Variants in SPMIP7 observed in about 807,000 individuals in gnomAD.
SPMIP7 encodes protein SPMIP7.
the SPMIP7 span, chr7:50,134,383 T>TACAC: frequency 3.5e-5 from 20 of 579,012 alleles, no homozygotes; most frequent in Non-Finnish European, 4.5e-5. Context: ...AGTAAATATA[T>TACAC]ATACACACAC....
chr7:50,136,782 A>G, the SPMIP7 span, among the ~76,000 whole-genome samples: 1 of 152,120 alleles, frequency 6.6e-6, no homozygotes, highest in Non-Finnish European at 1.5e-5. Flanking sequence ...GCCTTTGAAA[A>G]CATCACAATA....
At chr7:50,146,365 C>T in the SPMIP7 span, among the ~76,000 whole-genome samples, 15 of 152,176 alleles carry the variant, frequency 9.9e-5, no homozygotes, top group Non-Finnish European at 2.2e-4. Context: ...TCACATTAAA[C>T]GTGGCTTCTG....
At chr7:50,102,105 T>C in the SPMIP7 span, among the ~76,000 whole-genome samples, 1 of 152,184 alleles carries the variant, frequency 6.6e-6, no homozygotes, top group Non-Finnish European at 1.5e-5. Context: ...AGGCGGATTA[T>C]CTGAGGTCGG....
chr7:50,129,298 G>A, the SPMIP7 span, among the ~76,000 whole-genome samples: 1 of 151,850 alleles, frequency 6.6e-6, no homozygotes, highest in Non-Finnish European at 1.5e-5. Flanking sequence ...AGATAATAAT[G>A]ATTATAACAA....
At chr7:50,153,542 A>C in the SPMIP7 span, among the ~76,000 whole-genome samples, 1 of 152,252 alleles carries the variant, frequency 6.6e-6, no homozygotes, top group Non-Finnish European at 1.5e-5. Context: ...GAGGATGACA[A>C]AAAATGTCTT....
chr7:50,148,324 A>G, the SPMIP7 span, among the ~76,000 whole-genome samples: 3 of 152,234 alleles, frequency 2.0e-5, no homozygotes, highest in Non-Finnish European at 4.4e-5. Flanking sequence ...CATTAAGACA[A>G]TGTAACATAT....
the SPMIP7 span, among the ~76,000 whole-genome samples, chr7:50,126,016 G>A: frequency 6.6e-6 from 1 of 152,064 alleles, no homozygotes; most frequent in Non-Finnish European, 1.5e-5. Flanking sequence ...AATGGGTGAT[G>A]ACAGATGTGT....
chr7:50,142,022 C>T, the SPMIP7 span: 1 of 151,352 alleles, frequency 6.6e-6, no homozygotes, highest in Non-Finnish European at 1.5e-5. Context: ...ACCACCGCGC[C>T]CAGCCGAGAG....
the SPMIP7 span, among the ~76,000 whole-genome samples, chr7:50,126,689 A>G: frequency 6.6e-6 from 1 of 152,088 alleles, no homozygotes; most frequent in Admixed American, 6.6e-5. Context: ...AATCAAGTAA[A>G]GTTTATCTCA....
At chr7:50,137,192 G>A in the SPMIP7 span, among the ~76,000 whole-genome samples, 2 of 152,042 alleles carry the variant, frequency 1.3e-5, no homozygotes, top group Non-Finnish European at 2.9e-5. Context: ...AATTACATAT[G>A]AGGAAGTAAT....
the SPMIP7 span, among the ~76,000 whole-genome samples, chr7:50,107,664 G>A: frequency 2.4e-4 from 36 of 152,132 alleles, no homozygotes; most frequent in African/African-American, 8.2e-4. Context: ...TCCCAAAAGC[G>A]TAAGAGAGAA....
the SPMIP7 span, among the ~76,000 whole-genome samples, chr7:50,110,833 T>TATATTATATATTATAATATATAATTAG: frequency 1.5e-5 from 2 of 132,406 alleles, no homozygotes; most frequent in African/African-American, 2.9e-5. Flanking sequence ...AATCATATTA[T>TATATTATATATTATAATATATAATTAG]ATATTATATA....
the SPMIP7 span, among the ~76,000 whole-genome samples, chr7:50,108,639 T>C: frequency 6.6e-6 from 1 of 152,190 alleles, no homozygotes; most frequent in East Asian, 1.9e-4. Flanking sequence ...CAGACTATGA[T>C]GACTCCAGCT....
At chr7:50,154,413 C>T in the SPMIP7 span, among the ~76,000 whole-genome samples, 1 of 152,198 alleles carries the variant, frequency 6.6e-6, no homozygotes. Flanking sequence ...CACCGAATCC[C>T]TCATAACCAC....
chr7:50,112,449 G>A, the SPMIP7 span, among the ~76,000 whole-genome samples: 1 of 152,080 alleles, frequency 6.6e-6, no homozygotes, highest in Admixed American at 6.6e-5. Context: ...CTAGATGCCA[G>A]TAGCACCCTT....
the SPMIP7 span, among the ~76,000 whole-genome samples, chr7:50,134,796 T>G: frequency 6.6e-6 from 1 of 152,232 alleles, no homozygotes; most frequent in African/African-American, 2.4e-5. Flanking sequence ...TCACAGGAAT[T>G]ATCATATCTA....
At chr7:50,138,990 C>T in the SPMIP7 span, among the ~76,000 whole-genome samples, 3 of 151,880 alleles carry the variant, frequency 2.0e-5, no homozygotes, top group Non-Finnish European at 4.4e-5. Flanking sequence ...GTAAAATACC[C>T]CACTATAGAC....
the SPMIP7 span, chr7:50,142,968 T>G: frequency 6.6e-6 from 1 of 152,176 alleles, no homozygotes; most frequent in African/African-American, 2.4e-5. Context: ...ATGCGCCTAC[T>G]TTGTGCCAAG....
At chr7:50,148,358 T>C in the SPMIP7 span, among the ~76,000 whole-genome samples, 1 of 152,222 alleles carries the variant, frequency 6.6e-6, no homozygotes, top group African/African-American at 2.4e-5. Context: ...ATCAATAACA[T>C]GCATGCCACA....
Sources: gnomAD v4.1 joint callset for allele counts (sites outside exome capture counted in the v4.1 genomes callset) on GRCh38, gnomAD v4.1.1 for gene constraint, MANE v1.5 for transcripts, NCBI Gene and HGNC (gene_info 2026-07-23, HGNC 2026-07-21) for gene names.